ITPR1: variants seen among roughly 807,000 people sequenced by gnomAD.
ITPR1 encodes the protein inositol 1,4,5-trisphosphate-gated calcium channel ITPR1.
ITPR1 carries 96 observed loss-of-function variants against 318.4 expected under a neutral mutation model. That is an observed-to-expected ratio of 0.30 (90% CI 0.26 to 0.36). The LOEUF is 0.36. Among genes scored for constraint, ITPR1 ranks in the 10% least tolerant of loss-of-function variants. The pLI is 1.00. For missense variants in ITPR1, 2,440 were observed against 3,460.2 expected, an observed-to-expected ratio of 0.71 and a Z score of 7.40; for synonymous variants, 1,312 against 1,289.9, an observed-to-expected ratio of 1.02 and a Z score of -0.37.
intron 4 of ITPR1, among the ~76,000 whole-genome samples, chr3:4,608,386 T>G (rs559443674): frequency 1.1e-4 from 17 of 152,226 alleles, no homozygotes; most frequent in African/African-American, 4.1e-4. Flanking sequence ...CAAAGAAGCT[T>G]CTTTTGAGAC....
At chr3:4,633,513 G>A (rs1460023865) in intron 5 of ITPR1, among the ~76,000 whole-genome samples, 2 of 152,156 alleles carry the variant, frequency 1.3e-5, no homozygotes, top group Non-Finnish European at 2.9e-5. Context: ...GGAATTAGTT[G>A]TCTAGACCAC....
At chr3:4,512,222 G>T (rs1291813078) in intron 2 of ITPR1, among the ~76,000 whole-genome samples, 2 of 152,150 alleles carry the variant, frequency 1.3e-5, no homozygotes, top group African/African-American at 4.8e-5. Context: ...TCCCACCTTG[G>T]CTGTTTAAGA....
chr3:4,707,018 T>C (rs1178834113), intron 37 of ITPR1, among the ~76,000 whole-genome samples: 1 of 152,196 alleles, frequency 6.6e-6, no homozygotes, highest in Non-Finnish European at 1.5e-5. Context: ...TTTAAGAGTG[T>C]AGTCTCAGGC....
At chr3:4,597,568 G>A (rs998642137) in intron 4 of ITPR1, among the ~76,000 whole-genome samples, 4 of 152,274 alleles carry the variant, frequency 2.6e-5, no homozygotes, top group Admixed American at 6.5e-5. Flanking sequence ...TGGCATCACC[G>A]AGGGAAAGGG....
At chr3:4,773,531 A>G (rs371703903) in intron 46 of ITPR1, among the ~76,000 whole-genome samples, 12 of 152,172 alleles carry the variant, frequency 7.9e-5, no homozygotes, top group Admixed American at 3.3e-4. Context: ...CATTTGTTAC[A>G]TATTAATCTA....
At position 4,684,334 on chromosome 3, in the gene ITPR1, A is replaced by C; in HGVS notation, c.3552A>C (p.Arg1184Ser). The C allele has an allele frequency of 6.2e-7, 1 of 1,612,110 alleles. No homozygotes were observed. The highest frequency in any genetic ancestry group is 8.5e-7 in the Non-Finnish European group (1 of 1,178,586). Residue 1184 changes from arginine to serine, a missense_variant, in exon 29 of 62, where the codon AGA becomes AGC. Physicochemically the swap from Arg to Ser is moderately radical, Grantham distance 110. Around this residue, in one of 23 missense-constraint regions of ITPR1, gnomAD observed 86 missense variants for 75.6 expected, o/e 1.14. Transcript: ENST00000649015. Reference protein sequence around the residue: ...KHESTSSYNYRVVKEILIRLS... With the variant: ...KHESTSSYNYSVVKEILIRLS... Reference sequence around the variant, plus strand: ...AAAGCACCAGCAGCTACAACTACAGAGTGGTCAAAGAGGTAAGCTCCTCCC... The same window carrying C: ...AAAGCACCAGCAGCTACAACTACAGCGTGGTCAAAGAGGTAAGCTCCTCCC...
intron 24 of ITPR1, among the ~76,000 whole-genome samples, chr3:4,680,176 C>A (rs2094269293): frequency 6.6e-6 from 1 of 152,128 alleles, no homozygotes; most frequent in African/African-American, 2.4e-5. Context: ...TCTCTTAAAT[C>A]CAAAGCAGGC....
At chr3:4,684,931 C>G (rs2094365169) in intron 29 of ITPR1, 138 bp from the exon 30 acceptor site, 1 of 763,284 alleles carries the variant, frequency 1.3e-6, no homozygotes, top group Non-Finnish European at 2.1e-6. Context: ...AACAGAAATG[C>G]CACATACTGA....
At chr3:4,636,767 A>G (rs76108002) in intron 5 of ITPR1, among the ~76,000 whole-genome samples, 202 of 152,314 alleles carry the variant, frequency 1.3e-3, no homozygotes, top group African/African-American at 4.5e-3. Flanking sequence ...TTAGATATTT[A>G]TTCTCCAATG....
At chr3:4,536,552 T>C (rs1012970496) in intron 4 of ITPR1, among the ~76,000 whole-genome samples, 1 of 152,222 alleles carries the variant, frequency 6.6e-6, no homozygotes, top group Non-Finnish European at 1.5e-5. Context: ...TTAAGGAATT[T>C]GCAATTTTAT....
chr3:4,574,056 A>C (rs1446440529), intron 4 of ITPR1, among the ~76,000 whole-genome samples: 1 of 152,202 alleles, frequency 6.6e-6, no homozygotes, highest in Non-Finnish European at 1.5e-5. Context: ...TGCCCCATGT[A>C]CACATGGCGC....
intron 4 of ITPR1, among the ~76,000 whole-genome samples, chr3:4,555,568 A>G (rs931197149): frequency 8.5e-5 from 13 of 152,242 alleles, no homozygotes; most frequent in African/African-American, 3.1e-4. Context: ...AATATTACTC[A>G]GTGCTAAAAA....
At chr3:4,728,488 A>G (rs1001040047) in intron 42 of ITPR1, among the ~76,000 whole-genome samples, 17 of 152,304 alleles carry the variant, frequency 1.1e-4, no homozygotes, top group African/African-American at 4.1e-4. Context: ...GTATGTATTT[A>G]TAGGGTACAT....
chr3:4,526,933 A>G (rs1196917390), intron 4 of ITPR1, among the ~76,000 whole-genome samples: 1 of 152,244 alleles, frequency 6.6e-6, no homozygotes, highest in Non-Finnish European at 1.5e-5. Flanking sequence ...CTATTTATAT[A>G]TAAGTAGAAG....
intron 4 of ITPR1, among the ~76,000 whole-genome samples, chr3:4,564,916 A>G (rs951532398): frequency 6.6e-6 from 1 of 152,216 alleles, no homozygotes; most frequent in South Asian, 2.1e-4. Context: ...GGAATTTTAC[A>G]ATGGGGACGC....
intron 40 of ITPR1, among the ~76,000 whole-genome samples, chr3:4,721,172 G>GTGTATATATATATA (rs1356149562): frequency 1.0e-3 from 131 of 125,068 alleles, no homozygotes; most frequent in South Asian, 6.3e-3. Context: ...GTGTGTGCGT[G>GTGTATATATATATA]TATATATATA....
intron 4 of ITPR1, among the ~76,000 whole-genome samples, chr3:4,582,242 A>C (rs771061733): frequency 1.3e-5 from 2 of 152,128 alleles, no homozygotes; most frequent in Non-Finnish European, 2.9e-5. Context: ...TCCCCTTAGC[A>C]TATGCGCTTT....
At chr3:4,650,578 T>G (rs1254896415) in intron 10 of ITPR1, among the ~76,000 whole-genome samples, 2 of 150,908 alleles carry the variant, frequency 1.3e-5, no homozygotes, top group East Asian at 3.9e-4. Context: ...TATTTCTAGT[T>G]TACATTAATC....
intron 15 of ITPR1, 147 bp from the exon 16 acceptor site, chr3:4,662,918 G>T (rs2034458480): frequency 1.7e-6 from 1 of 602,806 alleles, no homozygotes; most frequent in Non-Finnish European, 3.0e-6. Context: ...TTTGATACTT[G>T]GCTTCTGTTG....
Sources: gnomAD v4.1 joint callset for allele counts (sites outside exome capture counted in the v4.1 genomes callset) on GRCh38, gnomAD v4.1.1 for gene constraint, gnomAD v4.1.1 regional missense constraint, MANE v1.5 for transcripts, NCBI Gene and HGNC (gene_info 2026-07-23, HGNC 2026-07-21) for gene names.